OTUD7A: variants seen among roughly 807,000 people sequenced by gnomAD.
The protein encoded by OTUD7A is OTU deubiquitinase 7A.
In OTUD7A, 12 loss-of-function variants were observed where a neutral mutation model predicts 65.7. That is an observed-to-expected ratio of 0.18 (90% CI 0.12 to 0.30). The LOEUF (loss-of-function observed/expected upper bound fraction) is 0.30, where lower values mean the gene tolerates loss of function less well. Among genes scored for constraint, OTUD7A ranks in the 10% least tolerant of loss-of-function variants. OTUD7A has a pLI of 1.00. For missense variants in OTUD7A, 1,148 were observed against 1,304.8 expected (o/e 0.88, Z 1.85); for synonymous variants, 641 against 586.3 (o/e 1.09, Z -1.35).
At chr15:31,824,614 C>T (rs1300834751) in intron 1 of OTUD7A, among the ~76,000 whole-genome samples, 3 of 152,140 alleles carry the variant, frequency 2.0e-5, no homozygotes, top group Non-Finnish European at 4.4e-5. Context: ...ACATAGTGAT[C>T]GTCAACTGTT....
At chr15:31,840,398 A>ACTT (rs1897155069) in intron 1 of OTUD7A, among the ~76,000 whole-genome samples, 1 of 152,138 alleles carries the variant, frequency 6.6e-6, no homozygotes, top group Non-Finnish European at 1.5e-5. Context: ...AGATCGCACC[A>ACTT]CTGCACTCCA....
At chr15:31,787,217 C>T (rs1895697887) in intron 1 of OTUD7A, among the ~76,000 whole-genome samples, 1 of 152,144 alleles carries the variant, frequency 6.6e-6, no homozygotes, top group Non-Finnish European at 1.5e-5. Flanking sequence ...GAAAAGGGCA[C>T]TTGATGGTTA....
chr15:31,652,951 C>T (rs935881826), intron 3 of OTUD7A, among the ~76,000 whole-genome samples: 4 of 151,978 alleles, frequency 2.6e-5, no homozygotes, highest in Non-Finnish European at 5.9e-5. Context: ...TGTATTTAGC[C>T]TAGAAAAATT....
chr15:31,751,648 G>C (rs1387314158), intron 1 of OTUD7A, among the ~76,000 whole-genome samples: 4 of 152,080 alleles, frequency 2.6e-5, no homozygotes, highest in Non-Finnish European at 5.9e-5. Flanking sequence ...CAGCAACAAA[G>C]ACATGGAATC....
chr15:31,553,147 C>T (rs1412056049), intron 5 of OTUD7A, among the ~76,000 whole-genome samples: 1 of 152,104 alleles, frequency 6.6e-6, no homozygotes, highest in African/African-American at 2.4e-5. Context: ...ATATTTGGCA[C>T]CACTGATTGC....
chr15:31,495,564 G>T (rs1346173639), intron 10 of OTUD7A, among the ~76,000 whole-genome samples: 1 of 152,126 alleles, frequency 6.6e-6, no homozygotes, highest in Non-Finnish European at 1.5e-5. Flanking sequence ...GGTTCTTCAG[G>T]GTTCTGTGCT....
intron 1 of OTUD7A, among the ~76,000 whole-genome samples, chr15:31,797,970 CCT>C: frequency 6.6e-6 from 1 of 152,202 alleles, no homozygotes; most frequent in Admixed American, 6.5e-5. Flanking sequence ...TCTCCTGAGG[CCT>C]CTCTTCTTGG....
rs1197930911 is a variant in OTUD7A at position 31,487,842 on chromosome 15, GAA to G, written c.1172-278_1172-277del. Among the ~76,000 whole-genome samples, 1 of 152,176 alleles carries G rather than the reference GAA, an allele frequency of 6.6e-6. No individual in the cohort carries two copies. The highest frequency in any genetic ancestry group is 1.5e-5 in the Non-Finnish European group (1 of 68,020). On this transcript the variant is annotated intron_variant, in intron 10 of 12. Transcript: ENST00000307050. The surrounding 1 kb of genome is among the most constrained non-coding windows in gnomAD (Gnocchi z 6.0). ...GATACTCCATTGGGCAGCAGAATGG[GAA>G]AAAAGCTATTGCTGCCTCTGCTATT...
chr15:31,758,689 C>G (rs1894880262), intron 1 of OTUD7A, among the ~76,000 whole-genome samples: 1 of 152,092 alleles, frequency 6.6e-6, no homozygotes, highest in South Asian at 2.1e-4. Flanking sequence ...TGCTTCAGCT[C>G]AAGACTTTGC....
At chr15:31,766,243 T>C (rs1193631967) in intron 1 of OTUD7A, 1 of 1,559,214 alleles carries the variant, frequency 6.4e-7, no homozygotes, top group African/African-American at 1.4e-5. Flanking sequence ...ACGGTATGTA[T>C]CAACAGTGAT....
intron 3 of OTUD7A, among the ~76,000 whole-genome samples, chr15:31,596,274 A>G (rs2141205118): frequency 6.6e-6 from 1 of 152,270 alleles, no homozygotes; most frequent in South Asian, 2.1e-4. Flanking sequence ...TGTGCTCAGA[A>G]TAAGGTCTCT....
At position 31,484,352 on chromosome 15, in the gene OTUD7A, A is replaced by C. The variant is rs2041199319; in HGVS notation, c.1744T>G (p.Ser582Ala). 3 of 1,599,338 alleles carry C rather than the reference A, an allele frequency of 1.9e-6. No individual in the cohort carries two copies. Among genetic ancestry groups the C allele is most frequent in the Middle Eastern group, 1.7e-4 (1 of 6,056 alleles). Reference sequence around the variant, plus strand: ...GGCGACGTGCTGGCCGACGCACCAGACTCCTCCTTGCTGCCCTTGCGCGAC... The same window carrying C: ...GGCGACGTGCTGGCCGACGCACCAGCCTCCTCCTTGCTGCCCTTGCGCGAC... ...AKSRKGSKEESGASASTSPSE... is the reference protein window; with the variant it reads ...AKSRKGSKEEAGASASTSPSE... The change falls in exon 13 of 13, where the codon TCT becomes GCT. Residue 582 changes from serine to alanine, a missense_variant. Coordinates refer to ENST00000307050, the MANE Select transcript of OTUD7A (RefSeq NM_001382637.1). The surrounding 1 kb of genome is among the most constrained non-coding windows in gnomAD (Gnocchi z 4.5).
At position 31,738,282 on chromosome 15, in the gene OTUD7A, G is replaced by A. The variant is rs546228670; in HGVS notation, c.-99-81205C>T. 7.2e-5 allele frequency among the ~76,000 whole-genome samples: 11 copies of A among 152,210 alleles called. No individual in the cohort carries two copies. In the South Asian group the frequency reaches 1.0e-3, roughly 14 times the overall value. On this transcript the variant is annotated intron_variant, in intron 1 of 12. Transcript: ENST00000307050. ...ATGAGGATTCCATGGGGCCAGATGAGGACCTCTGTGGATCCCTTATCTCCC... is the reference window on the plus strand; with the variant it reads ...ATGAGGATTCCATGGGGCCAGATGAAGACCTCTGTGGATCCCTTATCTCCC...
At chr15:31,778,071 G>C (rs1236204653) in intron 1 of OTUD7A, among the ~76,000 whole-genome samples, 1 of 152,126 alleles carries the variant, frequency 6.6e-6, no homozygotes, top group Admixed American at 6.5e-5. Flanking sequence ...GGCCTGGGCT[G>C]GGGGATTGAT....
intron 1 of OTUD7A, among the ~76,000 whole-genome samples, chr15:31,791,283 C>T (rs1378075713): frequency 6.6e-6 from 1 of 152,190 alleles, no homozygotes; most frequent in African/African-American, 2.4e-5. Context: ...CCTCAGCCTC[C>T]CAAAGTGCTG....
intron 1 of OTUD7A, among the ~76,000 whole-genome samples, chr15:31,668,986 A>G (rs575457494): frequency 6.6e-6 from 1 of 152,330 alleles, no homozygotes; most frequent in African/African-American, 2.4e-5. Context: ...GTCTGTACAG[A>G]GCCCTGTGAT....
intron 3 of OTUD7A, among the ~76,000 whole-genome samples, chr15:31,652,399 A>C (rs973059567): frequency 2.0e-5 from 3 of 152,336 alleles, no homozygotes; most frequent in South Asian, 2.1e-4. Flanking sequence ...TAAAAGACCA[A>C]CTACAAGAAA....
intron 5 of OTUD7A, among the ~76,000 whole-genome samples, chr15:31,548,637 TA>T (rs1888214440): frequency 6.6e-6 from 1 of 151,964 alleles, no homozygotes; most frequent in African/African-American, 2.4e-5. Context: ...TGGACATAAT[TA>T]AAATGGCGTA....
At chr15:31,702,501 T>C (rs2141329242) in intron 1 of OTUD7A, among the ~76,000 whole-genome samples, 1 of 151,386 alleles carries the variant, frequency 6.6e-6, no homozygotes, top group Non-Finnish European at 1.5e-5. Flanking sequence ...AAAAATGTAA[T>C]TCTATTTATA....
Sources: allele counts gnomAD v4.1 joint callset (sites outside exome capture counted in the v4.1 genomes callset), GRCh38; gene constraint gnomAD v4.1.1; non-coding constraint Gnocchi (gnomAD v3.1); transcripts MANE v1.5; gene names NCBI Gene and HGNC (gene_info 2026-07-23, HGNC 2026-07-21).